GLIS3: variants seen among roughly 807,000 people sequenced by gnomAD.
GLIS3 encodes GLIS family zinc finger 3, also known as zinc finger protein GLIS3.
In GLIS3, 53 loss-of-function variants were observed where a neutral mutation model predicts 78.6. The observed-to-expected ratio is 0.67, with a 90% CI of 0.54 to 0.85. GLIS3 has a LOEUF of 0.85. Ranked by LOEUF, GLIS3 falls within the 40% of genes least tolerant of loss-of-function variation. The probability of loss-of-function intolerance (pLI) is 0.00; values close to 1 mark genes in which losing one functional copy is unlikely to be tolerated. For synonymous variants in GLIS3, 684 were observed against 509.9 expected, an observed-to-expected ratio of 1.34 and a Z score of -4.60; for missense variants, 1,703 against 1,231.1, an observed-to-expected ratio of 1.38 and a Z score of -5.74.
chr9:4,374,617 G>C, the GLIS3 span, among the ~76,000 whole-genome samples: 1 of 152,262 alleles, frequency 6.6e-6, no homozygotes, highest in East Asian at 1.9e-4. Context: ...GTGTGGTTCC[G>C]ACAAGGCTGT....
upstream of GLIS3, among the ~76,000 whole-genome samples, chr9:4,350,895 G>A (rs140717270): frequency 6.6e-6 from 1 of 152,266 alleles, no homozygotes; most frequent in African/African-American, 2.4e-5. Flanking sequence ...AACCAGCTAC[G>A]TAATTTTGGG....
At chr9:4,232,020 CT>C (rs1252397890) in intron 2 of GLIS3, among the ~76,000 whole-genome samples, 5 of 152,102 alleles carry the variant, frequency 3.3e-5, no homozygotes, top group African/African-American at 1.2e-4. Flanking sequence ...CAACATTTAG[CT>C]TTGTATAGGA....
chr9:4,003,246 G>A (rs1821262790), intron 4 of GLIS3, among the ~76,000 whole-genome samples: 1 of 151,968 alleles, frequency 6.6e-6, no homozygotes, highest in Non-Finnish European at 1.5e-5. Flanking sequence ...ATCTTTCTCT[G>A]GTAGCCCCCA....
chr9:3,969,849 C>A (rs1483396972), intron 4 of GLIS3, among the ~76,000 whole-genome samples: 4 of 152,122 alleles, frequency 2.6e-5, no homozygotes, highest in African/African-American at 9.7e-5. Context: ...GAGCAAAATT[C>A]AAAAAGTGGC....
chr9:4,002,542 T>C (rs746822105), intron 4 of GLIS3, among the ~76,000 whole-genome samples: 30 of 152,212 alleles, frequency 2.0e-4, no homozygotes, highest in Non-Finnish European at 2.8e-4. Context: ...TCATGCCTCA[T>C]TGGTAATCCT....
chr9:4,050,540 T>C (rs534512094), intron 4 of GLIS3, among the ~76,000 whole-genome samples: 18 of 152,246 alleles, frequency 1.2e-4, no homozygotes, highest in Admixed American at 3.3e-4. Flanking sequence ...GGCACATGTA[T>C]ACCCATGTAT....
the GLIS3 span, among the ~76,000 whole-genome samples, chr9:4,472,555 A>C: frequency 6.6e-6 from 1 of 151,324 alleles, no homozygotes; most frequent in Non-Finnish European, 1.5e-5. Context: ...GGAACTGAAC[A>C]ATGAGAACAC....
chr9:4,417,794 T>A, the GLIS3 span, among the ~76,000 whole-genome samples: 1 of 152,226 alleles, frequency 6.6e-6, no homozygotes, highest in South Asian at 2.1e-4. Flanking sequence ...TCTTTGCCTA[T>A]CTGATAACAA....
chr9:3,876,986 A>G (rs1171093304), intron 8 of GLIS3, among the ~76,000 whole-genome samples: 1 of 152,064 alleles, frequency 6.6e-6, no homozygotes, highest in Admixed American at 6.5e-5. Context: ...GATAATAATT[A>G]AAATCTTTTT....
the GLIS3 span, among the ~76,000 whole-genome samples, chr9:4,405,535 C>G: frequency 6.6e-6 from 1 of 151,932 alleles, no homozygotes; most frequent in East Asian, 1.9e-4. Context: ...GGAAGAAATC[C>G]AAAACCTGAA....
chr9:3,863,799 A>T (rs1432453952), intron 8 of GLIS3, among the ~76,000 whole-genome samples: 1 of 152,020 alleles, frequency 6.6e-6, no homozygotes, highest in Non-Finnish European at 1.5e-5. Flanking sequence ...CAAAAAAACA[A>T]ACTAATCAAT....
At chr9:4,227,956 A>G (rs957863533) in intron 2 of GLIS3, among the ~76,000 whole-genome samples, 2 of 152,216 alleles carry the variant, frequency 1.3e-5, no homozygotes, top group South Asian at 4.1e-4. Flanking sequence ...TTGGGATCAC[A>G]TAATTTGTTG....
At chr9:4,434,649 G>T in the GLIS3 span, among the ~76,000 whole-genome samples, 1 of 152,164 alleles carries the variant, frequency 6.6e-6, no homozygotes, top group Admixed American at 6.5e-5. Flanking sequence ...CTCTAGAGGT[G>T]TGTATTTTCC....
chr9:4,103,196 T>A (rs745313219), intron 4 of GLIS3, among the ~76,000 whole-genome samples: 15 of 152,180 alleles, frequency 9.9e-5, no homozygotes, highest in Non-Finnish European at 1.9e-4. Flanking sequence ...TTTAGCTGTT[T>A]CTACAGTAAG....
At chr9:4,192,141 T>C (rs1235615060) in intron 2 of GLIS3, among the ~76,000 whole-genome samples, 1 of 152,216 alleles carries the variant, frequency 6.6e-6, no homozygotes, top group African/African-American at 2.4e-5. Context: ...ATTGATGCTC[T>C]TAAAAACACT....
intron 4 of GLIS3, among the ~76,000 whole-genome samples, chr9:4,101,493 C>T (rs555042290): frequency 2.0e-5 from 3 of 152,248 alleles, no homozygotes; most frequent in East Asian, 3.9e-4. Flanking sequence ...ATTATTGCTA[C>T]TAGTTGTTCT....
In GLIS3 at chr9:4,075,636, T is replaced by A. The variant is rs924802473; in HGVS notation, c.1710+42132A>T. Among the ~76,000 whole-genome samples the A allele has an allele frequency of 2.6e-5, 4 of 151,816 alleles. No individual in the cohort carries two copies. In the East Asian group the frequency reaches 7.7e-4, roughly 29 times the overall value. On this transcript the variant is annotated intron_variant, in intron 4 of 10. Transcript: ENST00000381971. ...TAGGGATCAATATATAGCCTAGACA[T>A]AGGTGCTAAAAAGAGTTTTTAGGAT...
intron 6 of GLIS3, among the ~76,000 whole-genome samples, chr9:3,917,390 C>A (rs1420683541): frequency 1.3e-5 from 2 of 152,182 alleles, no homozygotes; most frequent in Admixed American, 1.3e-4. Context: ...GACAAGTGAG[C>A]AAACACAACT....
intron 2 of GLIS3, among the ~76,000 whole-genome samples, chr9:4,265,785 T>G (rs58684562): frequency 0.22 from 32,810 of 152,120 alleles, 3,734 homozygotes; most frequent in East Asian, 0.26. Context: ...ACCCACAGTA[T>G]GAGTTTTCCC....
Sources: gnomAD v4.1 joint callset for allele counts (sites outside exome capture counted in the v4.1 genomes callset) on GRCh38, gnomAD v4.1.1 for gene constraint, MANE v1.5 for transcripts, NCBI Gene and HGNC (gene_info 2026-07-23, HGNC 2026-07-21) for gene names.